The following ZPBP variants were observed in gnomAD, a reference collection of about 807,000 sequenced individuals.
The protein encoded by ZPBP is zona pellucida binding protein, also known as zona pellucida-binding protein 1.
In ZPBP, 26 loss-of-function variants were observed where a neutral mutation model predicts 44.8. The ratio of observed to expected loss-of-function variants is 0.58; its 90% CI spans 0.43 to 0.81. The LOEUF is 0.81. ZPBP is among the 30% of genes least tolerant of loss of function. ZPBP has a pLI of 0.00. For synonymous variants in ZPBP, 174 were observed against 153.2 expected, an observed-to-expected ratio of 1.14 and a Z score of -1.00; for missense variants, 409 against 434.0, an observed-to-expected ratio of 0.94 and a Z score of 0.51.
chr7:49,931,679 T>C (rs1347434887), intron 1 of ZPBP, among the ~76,000 whole-genome samples: 2 of 152,084 alleles, frequency 1.3e-5, no homozygotes, highest in East Asian at 3.9e-4. Flanking sequence ...TGGGGAGAAA[T>C]TCAAGCCAGC....
intron 4 of ZPBP, among the ~76,000 whole-genome samples, chr7:50,042,840 G>A (rs1800159850): frequency 6.6e-6 from 1 of 152,148 alleles, no homozygotes; most frequent in South Asian, 2.1e-4. Context: ...AATGTAAACA[G>A]GCTAAATGCC....
intron 1 of ZPBP, among the ~76,000 whole-genome samples, chr7:49,908,563 T>G (rs745936719): frequency 5.9e-5 from 9 of 151,940 alleles, no homozygotes; most frequent in Non-Finnish European, 1.0e-4. Flanking sequence ...AAAATGTATG[T>G]GTATGTGTGT....
chr7:49,962,385 T>G (rs1266890947), intron 7 of ZPBP, among the ~76,000 whole-genome samples: 1 of 151,852 alleles, frequency 6.6e-6, no homozygotes. Context: ...TAATAAAAGA[T>G]ACAAACCATG....
chr7:49,852,523 G>C (rs1790221891), intron 2 of ZPBP, among the ~76,000 whole-genome samples: 2 of 152,118 alleles, frequency 1.3e-5, no homozygotes, highest in Non-Finnish European at 2.9e-5. Flanking sequence ...TTAAAATTGG[G>C]GGGGCAGAAG....
chr7:50,056,635 G>C (rs555455929), intron 4 of ZPBP, among the ~76,000 whole-genome samples: 4 of 152,188 alleles, frequency 2.6e-5, no homozygotes, highest in Non-Finnish European at 4.4e-5. Context: ...CTAGCAACTT[G>C]AGTTCAGGCT....
At chr7:50,086,012 G>A (rs938917498) in intron 2 of ZPBP, among the ~76,000 whole-genome samples, 9 of 152,108 alleles carry the variant, frequency 5.9e-5, no homozygotes, top group African/African-American at 1.2e-4. Context: ...TGAAAGGTAC[G>A]TCACAACGTG....
At chr7:49,959,641 C>A (rs953641394) in intron 7 of ZPBP, among the ~76,000 whole-genome samples, 8 of 152,090 alleles carry the variant, frequency 5.3e-5, no homozygotes, top group African/African-American at 1.9e-4. Context: ...AACATGTTCA[C>A]TATTTAGAAG....
chr7:49,899,607 A>G (rs1213685445), intron 2 of ZPBP, among the ~76,000 whole-genome samples: 1 of 152,052 alleles, frequency 6.6e-6, no homozygotes, highest in Non-Finnish European at 1.5e-5. Context: ...AAATGAGTCA[A>G]TTATTCAAGA....
In ZPBP at chr7:50,089,631, G is replaced by A; in HGVS notation, c.206C>T (p.Pro69Leu). ...SVKIVGSTSF[P>L]VKAYVMLHQK... is the part of the protein sequence containing the mutation. ...AGTGAAAATATATTTATGAATACCT[G>A]GAAAACTTGTTGATCCCACTATTTT... The change falls in exon 2 of 8, where the codon CCA becomes CTA. Residue 69 changes from proline to leucine, a missense_variant and splice_region_variant. This residue lies in a region of ZPBP where 367 missense variants were observed against 363.1 expected (regional missense o/e 1.01). Transcript: ENST00000046087. The A allele has an allele frequency of 3.1e-6, 5 of 1,604,680 alleles. No homozygotes were observed. The highest frequency in any genetic ancestry group is 4.3e-6 in the Non-Finnish European group (5 of 1,173,974).
At chr7:50,039,075 A>C (rs1357197106) in intron 4 of ZPBP, among the ~76,000 whole-genome samples, 3 of 152,208 alleles carry the variant, frequency 2.0e-5, no homozygotes, top group Non-Finnish European at 4.4e-5. Context: ...CATATACTGG[A>C]AAAAGGGAAG....
In ZPBP at chr7:50,093,062, C is replaced by T. The variant is rs1330814869; in HGVS notation, c.127+6G>A. On this transcript the variant is annotated splice_donor_region_variant and intron_variant, in intron 1 of 7. Coordinates refer to ENST00000046087, the MANE Select transcript of ZPBP (RefSeq NM_007009.3). Reference sequence around the variant, plus strand: ...GCGGAGCCGGCAGGGCGGCGCGGACCCTCACCTGATGAGGGCACCCGCACC... The same window carrying T: ...GCGGAGCCGGCAGGGCGGCGCGGACTCTCACCTGATGAGGGCACCCGCACC... 1 of 1,599,138 alleles carries T rather than the reference C, an allele frequency of 6.3e-7. No individual in the cohort carries two copies. Among genetic ancestry groups the T allele is most frequent in the Admixed American group, 1.7e-5 (1 of 58,404 alleles).
At chr7:49,886,064 G>A (rs1264663724) in intron 2 of ZPBP, among the ~76,000 whole-genome samples, 2 of 152,246 alleles carry the variant, frequency 1.3e-5, no homozygotes, top group Non-Finnish European at 2.9e-5. Flanking sequence ...CAAGAGCCTG[G>A]AGATAGGGGA....
chr7:50,085,856 G>A (rs1802611727), intron 2 of ZPBP, among the ~76,000 whole-genome samples: 2 of 152,036 alleles, frequency 1.3e-5, no homozygotes, highest in African/African-American at 2.4e-5. Flanking sequence ...AAAGTTAGCA[G>A]GACACATGCA....
intron 7 of ZPBP, among the ~76,000 whole-genome samples, chr7:49,945,877 C>T (rs1423174251): frequency 1.3e-5 from 2 of 151,976 alleles, no homozygotes; most frequent in East Asian, 3.8e-4. Flanking sequence ...CATTTTGTCA[C>T]TTGTTTTCTG....
intron 4 of ZPBP, among the ~76,000 whole-genome samples, chr7:50,047,493 T>TG (rs1800434455): frequency 6.6e-6 from 1 of 152,008 alleles, no homozygotes. Flanking sequence ...GCCATAGGGT[T>TG]GCTGGTCTAT....
chr7:49,848,861 T>A (rs1455391852), downstream of ZPBP, among the ~76,000 whole-genome samples: 1 of 152,236 alleles, frequency 6.6e-6, no homozygotes, highest in East Asian at 1.9e-4. Context: ...TTGTGTCTAA[T>A]TCAGTAGACC....
intron 6 of ZPBP, among the ~76,000 whole-genome samples, chr7:49,990,500 A>C (rs749006574): frequency 2.8e-4 from 42 of 152,304 alleles, no homozygotes; most frequent in Middle Eastern, 6.8e-3. Context: ...CCCTCTTTCT[A>C]GATGAGTAGC....
chr7:50,037,164 T>C (rs1026641098), intron 4 of ZPBP, among the ~76,000 whole-genome samples: 1 of 152,190 alleles, frequency 6.6e-6, no homozygotes, highest in Admixed American at 6.5e-5. Flanking sequence ...TAATCACTAC[T>C]ACTAAAAAAT....
Position 49,941,954 on chromosome 7 carries a change from C to T in ZPBP, c.962-4332G>A, listed in dbSNP as rs1019837027. Among the ~76,000 whole-genome samples, 6 of 152,038 alleles carry T rather than the reference C, an allele frequency of 3.9e-5. 1 individual carries two copies. The highest frequency in any genetic ancestry group is 2.0e-4 in the Admixed American group (3 of 15,230). On this transcript the variant is annotated intron_variant, in intron 7 of 7. Transcript: ENST00000046087. ...CAGAATAGAAAGCCCAGTAATAAAT[C>T]CTTGCATACAGGGACAAATGATTTT...
Sources: allele counts gnomAD v4.1 joint callset (sites outside exome capture counted in the v4.1 genomes callset), GRCh38; gene constraint gnomAD v4.1.1; regional missense constraint gnomAD v4.1.1; transcripts MANE v1.5; gene names NCBI Gene and HGNC (gene_info 2026-07-23, HGNC 2026-07-21).